LRMDA: variants seen among roughly 807,000 people sequenced by gnomAD.
The protein encoded by LRMDA is leucine rich melanocyte differentiation associated.
A neutral mutation model predicts 29.8 loss-of-function variants in LRMDA; 18 were observed. That is an observed-to-expected ratio of 0.60 (90% CI 0.42 to 0.90). LRMDA has a LOEUF of 0.90. Ranked by LOEUF, LRMDA falls within the 40% of genes least tolerant of loss-of-function variation. The pLI is 0.00. For synonymous variants in LRMDA, 125 were observed against 109.4 expected (o/e 1.14, Z -0.89); for missense variants, 273 against 273.9 (o/e 1.00, Z 0.02).
chr10:75,768,334 C>A (rs899656128), intron 2 of LRMDA, among the ~76,000 whole-genome samples: 2 of 152,160 alleles, frequency 1.3e-5, no homozygotes, highest in African/African-American at 4.8e-5. Context: ...TTAGTAATTT[C>A]TTTGCTGTGC....
At position 76,447,603 on chromosome 10, in the gene LRMDA, A is replaced by G. The variant is rs1589191416; in HGVS notation, c.602-109606A>G. ...TTCCTGTCTCATAGTGGTATTGGGG[A>G]TATTGCAGATCCAGTACTTAGCAGC... On this transcript the variant is annotated intron_variant, in intron 6 of 6. Transcript: ENST00000611255. Among the ~76,000 whole-genome samples, 9 of 152,236 alleles carry G rather than the reference A, an allele frequency of 5.9e-5. No homozygotes were observed. The South Asian group carries it at 1.9e-3, about 32-fold the overall frequency.
rs532899662 is a variant in LRMDA at position 76,108,201 on chromosome 10, T to C, written c.516+49418T>C. Among the ~76,000 whole-genome samples, 9 of 152,214 alleles carry C rather than the reference T, an allele frequency of 5.9e-5. No individual in the cohort carries two copies. In the South Asian group the frequency reaches 1.9e-3, roughly 32 times the overall value. ...AGAGGGACTGCTTAACCTAGGGAAGTGGTCTTTGGTAATTGGGTCTCTGAT... is the reference window on the plus strand; with the variant it reads ...AGAGGGACTGCTTAACCTAGGGAAGCGGTCTTTGGTAATTGGGTCTCTGAT... On this transcript the variant is annotated intron_variant, in intron 5 of 6. Transcript: ENST00000611255.
At chr10:76,509,181 A>T (rs1338003920) in intron 6 of LRMDA, among the ~76,000 whole-genome samples, 1 of 152,180 alleles carries the variant, frequency 6.6e-6, no homozygotes, top group Non-Finnish European at 1.5e-5. Flanking sequence ...ATGCAGGTAC[A>T]TGCATATTTC....
At chr10:75,708,339 T>A (rs1013179121) in intron 2 of LRMDA, among the ~76,000 whole-genome samples, 1 of 152,206 alleles carries the variant, frequency 6.6e-6, no homozygotes, top group Admixed American at 6.5e-5. Flanking sequence ...AATCTTTCAT[T>A]ATTTTGATGC....
intron 2 of LRMDA, among the ~76,000 whole-genome samples, chr10:75,785,827 C>T (rs749072614): frequency 2.6e-5 from 4 of 152,166 alleles, no homozygotes; most frequent in Admixed American, 1.3e-4. Flanking sequence ...AATACCAGTA[C>T]CCCTGCCTTC....
chr10:75,493,718 G>A (rs764538417), intron 2 of LRMDA, among the ~76,000 whole-genome samples: 4 of 152,152 alleles, frequency 2.6e-5, no homozygotes, highest in Non-Finnish European at 5.9e-5. Flanking sequence ...ACATCCCCAT[G>A]GGTGCAGGCT....
chr10:75,468,099 A>G (rs1310713733), intron 2 of LRMDA, among the ~76,000 whole-genome samples: 1 of 152,108 alleles, frequency 6.6e-6, no homozygotes, highest in African/African-American at 2.4e-5. Flanking sequence ...ACTGATCCTA[A>G]TGGTTGAAGT....
intron 1 of LRMDA, among the ~76,000 whole-genome samples, chr10:75,436,799 G>C (rs981135529): frequency 2.0e-5 from 3 of 152,096 alleles, no homozygotes; most frequent in Non-Finnish European, 4.4e-5. Context: ...GAGATCCTGA[G>C]GGAAATCGAA....
intron 6 of LRMDA, among the ~76,000 whole-genome samples, chr10:76,507,240 G>A (rs1352230137): frequency 1.3e-5 from 2 of 148,316 alleles, no homozygotes; most frequent in Non-Finnish European, 3.0e-5. Context: ...CCATTTGTAT[G>A]TCTTCTTTTG....
rs71024586 is a variant in LRMDA at position 76,084,364 on chromosome 10, ATTTTTTTTTT to A, written c.516+25603_516+25612del. Among the ~76,000 whole-genome samples the A allele has an allele frequency of 7.9e-4, 56 of 70,926 alleles. 1 individual carries two copies. The highest frequency in any genetic ancestry group is 1.3e-3 in the Admixed American group (7 of 5,434). The allele number at this position is 70,926 out of a possible 152,430, so 46.5% of individuals were successfully genotyped here. A position where few individuals can be genotyped will look rare whatever the true frequency, so the allele number is the denominator to read the frequency against. On this transcript the variant is annotated intron_variant, in intron 5 of 6. Transcript: ENST00000611255. ...GGGTATGTGCCACTGCGCCCAGCTA[ATTTTTTTTTT>A]TTTTTTTTTTTTTTTTTTTTTGTAG...
intron 5 of LRMDA, among the ~76,000 whole-genome samples, chr10:76,173,289 G>A (rs1850870976): frequency 6.6e-6 from 1 of 152,026 alleles, no homozygotes; most frequent in Admixed American, 6.6e-5. Context: ...CAAGCTGATG[G>A]ATATGTTTGT....
Position 76,041,756 on chromosome 10 carries a change from A to G in LRMDA, c.259-5408A>G, listed in dbSNP as rs548782466. ...AAAATCTCCTTTGGCAAGCCTCCCC[A>G]TGACAGCTGGGCTCTGCAATGGCAA... On this transcript the variant is annotated intron_variant, in intron 3 of 6. Transcript: ENST00000611255. 2.6e-4 allele frequency among the ~76,000 whole-genome samples: 39 copies of G among 152,248 alleles called. No individual in the cohort carries two copies. The East Asian group carries it at 5.4e-3, about 21-fold the overall frequency.
At chr10:75,934,423 T>C (rs987964038) in intron 2 of LRMDA, among the ~76,000 whole-genome samples, 1 of 152,182 alleles carries the variant, frequency 6.6e-6, no homozygotes, top group Non-Finnish European at 1.5e-5. Flanking sequence ...TATGGGCCAG[T>C]AGACCCCTGG....
At chr10:76,384,265 A>T (rs533378818) in intron 6 of LRMDA, among the ~76,000 whole-genome samples, 1 of 152,310 alleles carries the variant, frequency 6.6e-6, no homozygotes, top group East Asian at 1.9e-4. Flanking sequence ...TTATACATTT[A>T]TCTATTAACC....
chr10:75,765,820 C>G (rs1461945392), intron 2 of LRMDA, among the ~76,000 whole-genome samples: 1 of 150,572 alleles, frequency 6.6e-6, no homozygotes, highest in African/African-American at 2.4e-5. Flanking sequence ...ATTTCTCCCT[C>G]TCCAGCCGCT....
At chr10:76,400,232 A>G (rs1256462959) in intron 6 of LRMDA, among the ~76,000 whole-genome samples, 1 of 152,180 alleles carries the variant, frequency 6.6e-6, no homozygotes, top group South Asian at 2.1e-4. Flanking sequence ...AGACCCCACA[A>G]GAAACTGAAT....
At chr10:76,040,937 G>A (rs772231365) in intron 3 of LRMDA, among the ~76,000 whole-genome samples, 1 of 152,182 alleles carries the variant, frequency 6.6e-6, no homozygotes, top group African/African-American at 2.4e-5. Context: ...GCTGTGGCAC[G>A]GAGACCACTC....
At chr10:75,685,535 TTATTCATCCATC>T (rs1271464853) in intron 2 of LRMDA, among the ~76,000 whole-genome samples, 1 of 152,214 alleles carries the variant, frequency 6.6e-6, no homozygotes, top group African/African-American at 2.4e-5. Flanking sequence ...TCATATCCAT[TTATTCATCCATC>T]TATCTTCTCA....
intron 2 of LRMDA, among the ~76,000 whole-genome samples, chr10:75,516,558 T>A (rs975959885): frequency 2.0e-5 from 3 of 152,184 alleles, no homozygotes; most frequent in Non-Finnish European, 2.9e-5. Context: ...GTTGTTTTTT[T>A]TCTTGTTAAT....
Sources: allele counts gnomAD v4.1 joint callset (sites outside exome capture counted in the v4.1 genomes callset), GRCh38; gene constraint gnomAD v4.1.1; transcripts MANE v1.5; gene names NCBI Gene and HGNC (gene_info 2026-07-23, HGNC 2026-07-21).